The following NLGN1 variants were observed in gnomAD, a reference collection of about 807,000 sequenced individuals.
The protein encoded by NLGN1 is neuroligin-1.
Under a neutral mutation model 65.5 loss-of-function variants are expected in NLGN1, and 12 were observed. The ratio of observed to expected loss-of-function variants is 0.18; its 90% confidence interval spans 0.12 to 0.30. The LOEUF (loss-of-function observed/expected upper bound fraction) is 0.30. Among genes scored for constraint, NLGN1 ranks in the 10% least tolerant of loss-of-function variants. The pLI is 1.00. For missense variants in NLGN1, 750 were observed against 1,007.1 expected (o/e 0.74, Z 3.46); for synonymous variants, 350 against 359.5 (o/e 0.97, Z 0.30).
intron 4 of NLGN1, among the ~76,000 whole-genome samples, chr3:174,262,205 G>C (rs1329411006): frequency 1.8e-5 from 2 of 109,600 alleles, no homozygotes; most frequent in Admixed American, 9.1e-5. Context: ...CTCATAAAAT[G>C]AGTTAGGGAG....
intron 3 of NLGN1, among the ~76,000 whole-genome samples, chr3:173,684,605 G>A (rs1255600479): frequency 6.6e-6 from 1 of 152,136 alleles, no homozygotes; most frequent in East Asian, 1.9e-4. Flanking sequence ...TGTTGAAGTG[G>A]TCCCACTACA....
At chr3:173,574,062 C>CAAAAAAAAAAAAA (rs1192427397) in intron 2 of NLGN1, among the ~76,000 whole-genome samples, 107 of 51,030 alleles carry the variant, frequency 2.1e-3, no homozygotes, top group East Asian at 3.4e-3. Context: ...GACTCCACCT[C>CAAAAAAAAAAAAA]AAAAAAAAAA....
intron 1 of NLGN1, among the ~76,000 whole-genome samples, chr3:173,408,182 T>G (rs549075991): frequency 6.6e-6 from 1 of 152,312 alleles, no homozygotes; most frequent in South Asian, 2.1e-4. Flanking sequence ...TAAGAAATAC[T>G]AGAAACGTTC....
At chr3:173,449,570 C>G (rs1211479480) in intron 2 of NLGN1, among the ~76,000 whole-genome samples, 1 of 152,094 alleles carries the variant, frequency 6.6e-6, no homozygotes. Context: ...CTGTAGATGT[C>G]TATTAGGTCC....
chr3:173,454,202 AG>A (rs145601082), intron 2 of NLGN1, among the ~76,000 whole-genome samples: 2,701 of 152,310 alleles, frequency 0.018, 92 homozygotes, highest in African/African-American at 0.059. Context: ...TGCTATGAAC[AG>A]GTGTTCTGTC....
At chr3:173,924,828 T>C (rs1742725430) in intron 4 of NLGN1, among the ~76,000 whole-genome samples, 2 of 152,122 alleles carry the variant, frequency 1.3e-5, no homozygotes, top group African/African-American at 4.8e-5. Flanking sequence ...AACCACTAAC[T>C]TGAACCCTTT....
chr3:173,960,870 A>G (rs1713380797), intron 4 of NLGN1, among the ~76,000 whole-genome samples: 1 of 151,900 alleles, frequency 6.6e-6, no homozygotes, highest in Admixed American at 6.6e-5. Context: ...GCAAGTGTTT[A>G]TGTCTGATCT....
At position 173,620,303 on chromosome 3, in the gene NLGN1, T is replaced by C. The variant is rs541271764; in HGVS notation, c.493+15212T>C. ...AAGAGATATCTATTTGGCAGCTTCATAGGGTTTGTGGAGTAATTGGTTGTT... is the reference window on the plus strand; with the variant it reads ...AAGAGATATCTATTTGGCAGCTTCACAGGGTTTGTGGAGTAATTGGTTGTT... On this transcript the variant is annotated intron_variant, in intron 3 of 6. Transcript: ENST00000457714. Among the ~76,000 whole-genome samples, 198 of 152,166 alleles carry C rather than the reference T, an allele frequency of 1.3e-3. 8 individuals are homozygous for C. The South Asian group carries it at 0.04, about 31-fold the overall frequency.
intron 3 of NLGN1, among the ~76,000 whole-genome samples, chr3:173,746,743 A>T (rs947136178): frequency 6.6e-6 from 1 of 152,006 alleles, no homozygotes; most frequent in Non-Finnish European, 1.5e-5. Context: ...ATGAAACAGG[A>T]ATCATCTTTT....
intron 2 of NLGN1, among the ~76,000 whole-genome samples, chr3:173,522,229 T>G (rs1734876947): frequency 6.6e-6 from 1 of 152,240 alleles, no homozygotes; most frequent in Admixed American, 6.5e-5. Flanking sequence ...CTATGAGTTA[T>G]TTCACGTAGG....
chr3:174,168,099 T>A (rs1319432975), intron 4 of NLGN1, among the ~76,000 whole-genome samples: 1 of 152,152 alleles, frequency 6.6e-6, no homozygotes, highest in Non-Finnish European at 1.5e-5. Context: ...AAGATGTTTA[T>A]CTCTTCCTTC....
chr3:173,698,931 A>G (rs1324640301), intron 3 of NLGN1, among the ~76,000 whole-genome samples: 5 of 152,004 alleles, frequency 3.3e-5, no homozygotes, highest in African/African-American at 9.7e-5. Flanking sequence ...ATCTCAGCTC[A>G]CCCCAACCTC....
At chr3:174,132,003 C>T (rs1259867829) in intron 4 of NLGN1, among the ~76,000 whole-genome samples, 1 of 152,182 alleles carries the variant, frequency 6.6e-6, no homozygotes, top group Non-Finnish European at 1.5e-5. Context: ...CTTGTTTCAT[C>T]TGCCTTGGAT....
chr3:173,784,772 A>T (rs1406976888), intron 3 of NLGN1, among the ~76,000 whole-genome samples: 4 of 152,192 alleles, frequency 2.6e-5, no homozygotes, highest in Non-Finnish European at 5.9e-5. Context: ...ATAAATGAAG[A>T]TTTGTAAATA....
chr3:174,006,659 C>G (rs940549224), intron 4 of NLGN1, among the ~76,000 whole-genome samples: 1 of 152,116 alleles, frequency 6.6e-6, no homozygotes, highest in African/African-American at 2.4e-5. Flanking sequence ...TATGTTGAAG[C>G]CCTAACCCCC....
chr3:173,659,215 G>A (rs2149682962), intron 3 of NLGN1, among the ~76,000 whole-genome samples: 1 of 152,102 alleles, frequency 6.6e-6, no homozygotes, highest in African/African-American at 2.4e-5. Flanking sequence ...AAGAATTTTA[G>A]AGTTTAGGAA....
At chr3:174,293,986 C>G in the NLGN1 span, among the ~76,000 whole-genome samples, 57 of 151,522 alleles carry the variant, frequency 3.8e-4, no homozygotes, top group Non-Finnish European at 6.2e-4. Context: ...AATGTAAGTA[C>G]AGATAATTCT....
At chr3:173,572,576 T>C (rs927539736) in intron 2 of NLGN1, among the ~76,000 whole-genome samples, 2 of 152,214 alleles carry the variant, frequency 1.3e-5, no homozygotes, top group African/African-American at 2.4e-5. Flanking sequence ...CTGACCTTAG[T>C]TGACCCTTCT....
intron 3 of NLGN1, among the ~76,000 whole-genome samples, chr3:173,747,795 CTTGTTCTT>C (rs1425570339): frequency 1.3e-5 from 1 of 78,574 alleles, no homozygotes; most frequent in African/African-American, 6.2e-5. Context: ...TCTTCTTCTT[CTTGTTCTT>C]TTTTTTTTTT....
Sources: allele counts gnomAD v4.1 joint callset (sites outside exome capture counted in the v4.1 genomes callset), GRCh38; gene constraint gnomAD v4.1.1; transcripts MANE v1.5; gene names NCBI Gene and HGNC (gene_info 2026-07-23, HGNC 2026-07-21).